PTK2B: variants seen among roughly 807,000 people sequenced by gnomAD.
PTK2B encodes the protein protein tyrosine kinase 2 beta.
A neutral mutation model predicts 142.9 loss-of-function variants in PTK2B; 71 were observed. The ratio of observed to expected loss-of-function variants is 0.50; its 90% CI spans 0.41 to 0.61. The LOEUF (loss-of-function observed/expected upper bound fraction) is 0.61. Among genes scored for constraint, PTK2B ranks in the 20% least tolerant of loss-of-function variants. PTK2B has a pLI of 0.00. For missense variants in PTK2B, 1,105 were observed against 1,320.4 expected, an observed-to-expected ratio of 0.84 and a Z score of 2.53; for synonymous variants, 519 against 503.4, an observed-to-expected ratio of 1.03 and a Z score of -0.42.
chr8:27,311,723 C>G (rs1396126692), intron 1 of PTK2B: 1 of 160,132 alleles, frequency 6.2e-6, no homozygotes, highest in African/African-American at 2.4e-5. Flanking sequence ...AGTGCAATCA[C>G]CACTTAAGTT....
intron 27 of PTK2B, 119 bp downstream of exon 27, chr8:27,451,628 G>A (rs1171171866): frequency 3.1e-5 from 48 of 1,558,914 alleles, no homozygotes; most frequent in Non-Finnish European, 4.2e-5. Context: ...CTGCAGCATC[G>A]GCCATGATTT....
At chr8:27,380,042 C>T (rs535403799) in intron 1 of PTK2B, among the ~76,000 whole-genome samples, 3 of 152,288 alleles carry the variant, frequency 2.0e-5, no homozygotes, top group African/African-American at 4.8e-5. Flanking sequence ...GCACCTGGCC[C>T]TGTGCTTTTT....
chr8:27,413,021 A>C (rs772351269), intron 2 of PTK2B, among the ~76,000 whole-genome samples: 6 of 146,178 alleles, frequency 4.1e-5, no homozygotes, highest in Non-Finnish European at 7.6e-5. Context: ...AAATTATTTC[A>C]TACTTTTTAA....
Position 27,434,549 on chromosome 8 carries a change from C to T in PTK2B, c.1182C>T (p.Ser394=), listed in dbSNP as rs1810653208. 4 of 1,605,626 alleles carry T rather than the reference C, an allele frequency of 2.5e-6. No homozygotes were observed. The highest frequency in any genetic ancestry group is 3.4e-6 in the Non-Finnish European group (4 of 1,176,152). ...LEARRSHLSE[S]CSIESDIYAE... ...CCCGGCGGTCCCACCTCTCAGAGAG[C>T]TGCAGCATAGGTGAGCTGCCCGCTG... is the stretch of plus-strand genomic sequence containing the variant. Residue 394 remains serine (S), a synonymous_variant, in exon 13 of 31, where the codon AGC becomes AGT. Transcript: ENST00000346049.
chr8:27,420,411 G>A (rs1201385472), intron 3 of PTK2B, among the ~76,000 whole-genome samples: 1 of 152,204 alleles, frequency 6.6e-6, no homozygotes, highest in Non-Finnish European at 1.5e-5. Flanking sequence ...CTGCCATGAG[G>A]GAGAAAGGTG....
intron 22 of PTK2B, among the ~76,000 whole-genome samples, chr8:27,443,810 T>C (rs950662775): frequency 6.6e-6 from 1 of 152,088 alleles, no homozygotes; most frequent in Non-Finnish European, 1.5e-5. Flanking sequence ...GTCCCACCCC[T>C]CCCCGCGGGC....
At chr8:27,337,399 G>T (rs1035376215) in intron 1 of PTK2B, among the ~76,000 whole-genome samples, 1 of 152,196 alleles carries the variant, frequency 6.6e-6, no homozygotes. Context: ...GCCTCCTAAA[G>T]TACTGAGATT....
intron 2 of PTK2B, among the ~76,000 whole-genome samples, chr8:27,412,541 A>G (rs1809133541): frequency 6.6e-6 from 1 of 152,166 alleles, no homozygotes; most frequent in African/African-American, 2.4e-5. Context: ...CTGTCCCCCA[A>G]GAACTTCAGG....
rs769010468 is a variant in PTK2B at position 27,445,936 on chromosome 8, T to C, written c.2340+17T>C. ...AGCATGCGGGTAAGAGGGCTCTGCA[T>C]GCTGGTCCCTGCCCGGACTGAGGAG... is the stretch of plus-strand genomic sequence containing the variant. On this transcript the variant is annotated intron_variant, in intron 24 of 30. Transcript: ENST00000346049. 9 of 1,612,360 alleles carry C rather than the reference T, an allele frequency of 5.6e-6. No homozygotes were observed. The East Asian group carries it at 1.8e-4, about 32-fold the overall frequency.
At chr8:27,429,956 G>T in intron 5 of PTK2B, 137 bp from the exon 6 acceptor site, 1 of 790,164 alleles carries the variant, frequency 1.3e-6, no homozygotes, top group South Asian at 1.5e-5. Context: ...TAAATTTTAT[G>T]ACTCTCCTAA....
chr8:27,359,327 G>C (rs1428134665), intron 1 of PTK2B, among the ~76,000 whole-genome samples: 1 of 152,158 alleles, frequency 6.6e-6, no homozygotes, highest in Non-Finnish European at 1.5e-5. Flanking sequence ...TATTGGCCAG[G>C]CTGGTCTCAA....
At chr8:27,407,128 T>C (rs992995940) in intron 2 of PTK2B, among the ~76,000 whole-genome samples, 10 of 152,192 alleles carry the variant, frequency 6.6e-5, no homozygotes, top group African/African-American at 2.4e-4. Context: ...GAGACACTTA[T>C]ATTCTGCTCA....
chr8:27,397,548 G>A lies in PTK2B; in HGVS notation c.-37G>A. ...GGCTGACCCTCTGCTGTCTCTGCAG[G>A]ACTGCAATGTGCCGATCTTAGCTGC... On this transcript the variant is annotated splice_region_variant and 5_prime_UTR_variant, in exon 2 of 31. Coordinates refer to ENST00000346049, the MANE Select transcript of PTK2B (RefSeq NM_173176.3). The A allele has an allele frequency of 1.2e-6, 2 of 1,605,398 alleles. No homozygotes were observed. The highest frequency in any genetic ancestry group is 1.7e-6 in the Non-Finnish European group (2 of 1,173,598).
intron 1 of PTK2B, among the ~76,000 whole-genome samples, chr8:27,370,298 A>G (rs1433244602): frequency 6.6e-6 from 1 of 152,244 alleles, no homozygotes; most frequent in African/African-American, 2.4e-5. Flanking sequence ...TCTAGGAAGA[A>G]CAGGGCAATC....
intron 1 of PTK2B, among the ~76,000 whole-genome samples, chr8:27,377,779 T>C (rs1323760506): frequency 2.0e-5 from 3 of 152,184 alleles, no homozygotes; most frequent in Non-Finnish European, 2.9e-5. Flanking sequence ...GCACATTATC[T>C]CTAGCTGGAA....
upstream of PTK2B, among the ~76,000 whole-genome samples, chr8:27,323,116 C>T (rs928613938): frequency 2.0e-5 from 3 of 152,122 alleles, no homozygotes; most frequent in Non-Finnish European, 4.4e-5. Context: ...AGAACCTGAA[C>T]CAGGATGGGT....
At chr8:27,315,100 A>G (rs536076100) in intron 3 of PTK2B, among the ~76,000 whole-genome samples, 1 of 152,238 alleles carries the variant, frequency 6.6e-6, no homozygotes, top group Admixed American at 6.5e-5. Context: ...TTCTTTCCAC[A>G]CTTTTCCTCA....
intron 1 of PTK2B, among the ~76,000 whole-genome samples, chr8:27,391,543 G>A (rs547698376): frequency 6.6e-6 from 1 of 152,318 alleles, no homozygotes; most frequent in Non-Finnish European, 1.5e-5. Flanking sequence ...AAAGGCAAGA[G>A]TTAAGTTTTC....
In PTK2B at chr8:27,454,297, A is replaced by T. The variant is rs1812007780; in HGVS notation, c.2733+6A>T. ...GCTACGTGGTGGTGGTGAAGGTGAG[A>T]GCAGGGCTGGGTTGGGGAGGTGGAG... On this transcript the variant is annotated splice_donor_region_variant and intron_variant, in intron 29 of 30. Coordinates refer to ENST00000346049, the MANE Select transcript of PTK2B (RefSeq NM_173176.3). 1 of 1,612,294 alleles carries T rather than the reference A, an allele frequency of 6.2e-7. No homozygotes were observed. Among genetic ancestry groups the T allele is most frequent in the East Asian group, 2.2e-5 (1 of 44,854 alleles).
Sources: gnomAD v4.1 joint callset for allele counts (sites outside exome capture counted in the v4.1 genomes callset) on GRCh38, gnomAD v4.1.1 for gene constraint, MANE v1.5 for transcripts, NCBI Gene and HGNC (gene_info 2026-07-23, HGNC 2026-07-21) for gene names.